The following LAMB4 variants were observed in gnomAD, a reference collection of about 807,000 sequenced individuals.
LAMB4 encodes the protein laminin subunit beta 4.
LAMB4 carries 196 observed loss-of-function variants against 199.2 expected under a neutral mutation model. The observed-to-expected ratio is 0.98, with a 90% CI of 0.88 to 1.11. The LOEUF (loss-of-function observed/expected upper bound fraction) is 1.11. Among genes scored for constraint, LAMB4 ranks in the 50% least tolerant of loss-of-function variants. LAMB4 has a pLI of 0.00. For missense variants in LAMB4, 2,080 were observed against 2,171.2 expected, an observed-to-expected ratio of 0.96 and a Z score of 0.83; for synonymous variants, 744 against 770.6, an observed-to-expected ratio of 0.97 and a Z score of 0.57.
At chr7:108,042,260 T>C (rs976777631) in intron 29 of LAMB4, among the ~76,000 whole-genome samples, 1 of 152,286 alleles carries the variant, frequency 6.6e-6, no homozygotes, top group East Asian at 1.9e-4. Flanking sequence ...TCTCTATGCC[T>C]AGTTGTAATG....
intron 1 of LAMB4, among the ~76,000 whole-genome samples, chr7:108,128,455 C>T (rs954426796): frequency 3.3e-5 from 5 of 152,142 alleles, no homozygotes; most frequent in East Asian, 1.9e-4. Context: ...ATATCAACAG[C>T]GCTGAGCTTG....
In LAMB4 at chr7:108,062,816, A is replaced by C; in HGVS notation, c.3240T>G (p.Cys1080Trp). ...TTTGAGAGGTCCTAGGGTCACAGTCACATGACTGACATCCTCTGCCAGGGA... is the reference window on the plus strand; with the variant it reads ...TTTGAGAGGTCCTAGGGTCACAGTCCCATGACTGACATCCTCTGCCAGGGA... ...NLVPGRGCQS[C>W]DCDPRTSQSS... The change falls in exon 23 of 34, where the codon TGT becomes TGG. Residue 1080 changes from cysteine to tryptophan, a missense_variant. Transcript: ENST00000388781. 1.3e-6 allele frequency: 2 copies of C among 1,536,166 alleles called. No individual in the cohort carries two copies. Among genetic ancestry groups the C allele is most frequent in the Non-Finnish European group, 1.8e-6 (2 of 1,142,194 alleles).
intron 21 of LAMB4, among the ~76,000 whole-genome samples, chr7:108,065,403 AT>A (rs1235564482): frequency 2.0e-5 from 3 of 152,132 alleles, no homozygotes; most frequent in Non-Finnish European, 2.9e-5. Context: ...AATTCCATTT[AT>A]TTTTTAGTTG....
chr7:108,014,075 T>G, the LAMB4 span, among the ~76,000 whole-genome samples: 1 of 152,232 alleles, frequency 6.6e-6, no homozygotes, highest in Non-Finnish European at 1.5e-5. Context: ...ATGATTTTAC[T>G]CTATAATGAA....
In LAMB4 at chr7:108,037,392, C is replaced by A; in HGVS notation, c.4675G>T (p.Ala1559Ser). 1.9e-6 allele frequency: 3 copies of A among 1,611,792 alleles called. No homozygotes were observed. Among genetic ancestry groups the A allele is most frequent in the Non-Finnish European group, 2.5e-6 (3 of 1,177,926 alleles). The change falls in exon 30 of 34, where the codon GCT becomes TCT. Residue 1559 changes from alanine (A) to serine (S), a missense_variant. Ala to Ser is a moderately conservative substitution (Grantham distance 99, BLOSUM62 1). Transcript: ENST00000388781. Reference sequence around the variant, plus strand: ...GAATATTAATACAGTACTTACTCAGCTGCTTTGGCCTTCACCAAAAGCTTT... The same window carrying A: ...GAATATTAATACAGTACTTACTCAGATGCTTTGGCCTTCACCAAAAGCTTT... ...AQKLLVKAKA[A>S]EKAANILLNL... is the part of the protein sequence containing the mutation.
In LAMB4 at chr7:108,029,043, C is replaced by G; in HGVS notation, c.5146G>C (p.Asp1716His). 1.2e-6 allele frequency: 2 copies of G among 1,612,234 alleles called. No homozygotes were observed. The highest frequency in any genetic ancestry group is 1.7e-6 in the Non-Finnish European group (2 of 1,179,378). ...DTEAKIRRIT[D>H]LERKIQDLNL... is the part of the protein sequence containing the mutation. The stretch of plus-strand genomic sequence containing the variant: ...GCAGGATGGATAAAAGAACAGATAC[C>G]TGTTATTCTTCTTATCTTGGCCTCT... Residue 1716 changes from aspartate to histidine, a missense_variant and splice_region_variant, in exon 33 of 34, where the codon GAT (aspartate) becomes CAT (histidine). By Grantham distance (81) the Asp-to-His change is moderately conservative. Transcript: ENST00000388781.
intron 2 of LAMB4, among the ~76,000 whole-genome samples, chr7:108,117,247 T>G (rs1258226838): frequency 1.3e-5 from 2 of 152,100 alleles, no homozygotes; most frequent in Non-Finnish European, 2.9e-5. Flanking sequence ...AACTATCAAG[T>G]TAGATAAAGA....
the LAMB4 span, among the ~76,000 whole-genome samples, chr7:108,017,762 G>C: frequency 1.3e-5 from 2 of 152,340 alleles, no homozygotes; most frequent in East Asian, 3.9e-4. Flanking sequence ...CAATGGTTCA[G>C]AAGGAGAATG....
chr7:108,042,565 G>C (rs188772086), intron 29 of LAMB4, among the ~76,000 whole-genome samples: 1 of 152,186 alleles, frequency 6.6e-6, no homozygotes, highest in Non-Finnish European at 1.5e-5. Flanking sequence ...CTTACTCATT[G>C]AAAGTTTGCT....
intron 2 of LAMB4, among the ~76,000 whole-genome samples, chr7:108,117,510 A>T (rs143372939): frequency 6.6e-6 from 1 of 152,340 alleles, no homozygotes; most frequent in East Asian, 1.9e-4. Context: ...AAAGTTAAAC[A>T]TATATATAAT....
intron 2 of LAMB4, among the ~76,000 whole-genome samples, chr7:108,120,103 A>C (rs958392751): frequency 1.3e-5 from 2 of 152,194 alleles, no homozygotes; most frequent in Non-Finnish European, 2.9e-5. Context: ...TTATTTCAGT[A>C]GACAGGAGTG....
chr7:108,066,645 G>T, intron 19 of LAMB4, 45 bp from the exon 20 acceptor site: 2 of 1,266,666 alleles, frequency 1.6e-6, no homozygotes, highest in Non-Finnish European at 2.2e-6. Context: ...GATGAGTGGT[G>T]TGTGGTGGTG....
At position 108,087,671 on chromosome 7, in the gene LAMB4, C is replaced by T. The variant is rs138634130; in HGVS notation, c.1701+3955G>A. On this transcript the variant is annotated intron_variant, in intron 14 of 33. Transcript: ENST00000388781. ...AAAGTCTGAGGCACAGCTACAGCACCAACCCAGAGCCATCAGTGTGTCTTT... is the reference window on the plus strand; with the variant it reads ...AAAGTCTGAGGCACAGCTACAGCACTAACCCAGAGCCATCAGTGTGTCTTT... 1.4e-3 allele frequency among the ~76,000 whole-genome samples: 212 copies of T among 152,296 alleles called. 1 individual carries two copies. Among genetic ancestry groups the T allele is most frequent in the Non-Finnish European group, 2.4e-3 (164 of 68,022 alleles).
intron 3 of LAMB4, among the ~76,000 whole-genome samples, chr7:108,115,318 A>T (rs545939531): frequency 2.0e-5 from 3 of 152,360 alleles, no homozygotes; most frequent in African/African-American, 7.2e-5. Context: ...TGCAAGTTCC[A>T]TATTTGTGGA....
rs1312281018 is a variant in LAMB4 at position 108,057,855 on chromosome 7, C to T, written c.3356G>A (p.Gly1119Asp). Residue 1119 changes from glycine to aspartate, a missense_variant, in exon 24 of 34, where the codon GGT becomes GAT. Physicochemically the swap from Gly to Asp is moderately conservative, Grantham distance 94. Transcript: ENST00000388781. The stretch of plus-strand genomic sequence containing the variant: ...ACGAATGCATCGCCCAGGTGGATCA[C>T]CATAATAATTTTCCTGGCACTCACT... Reference protein sequence around the residue: ...RCSECQENYYGDPPGRCIPCD... With the variant: ...RCSECQENYYDDPPGRCIPCD... 6.2e-7 allele frequency: 1 copy of T among 1,612,732 alleles called. No homozygotes were observed. Among genetic ancestry groups the T allele is most frequent in the East Asian group, 2.2e-5 (1 of 44,874 alleles).
At chr7:108,106,698 G>T in intron 6 of LAMB4, 126 bp from the exon 7 acceptor site, 1 of 586,310 alleles carries the variant, frequency 1.7e-6, no homozygotes, top group Non-Finnish European at 3.0e-6. Context: ...CCAAGTAGCT[G>T]AGACCACAGG....
intron 6 of LAMB4, among the ~76,000 whole-genome samples, chr7:108,107,209 T>C (rs905731160): frequency 2.6e-5 from 4 of 152,194 alleles, no homozygotes; most frequent in African/African-American, 7.2e-5. Context: ...TCAATCCCAC[T>C]CACTCCAACC....
In LAMB4 at chr7:108,077,071, TAAGA is replaced by T; in HGVS notation, c.2004-11_2004-8del. 2 of 1,611,858 alleles carry T rather than the reference TAAGA, an allele frequency of 1.2e-6. No homozygotes were observed. The highest frequency in any genetic ancestry group is 1.7e-6 in the Non-Finnish European group (2 of 1,178,962). On this transcript the variant is annotated splice_region_variant and splice_polypyrimidine_tract_variant and intron_variant, in intron 16 of 33. Transcript: ENST00000388781. The stretch of plus-strand genomic sequence containing the variant: ...TGTGGGAAGCAGCATGATTCTGTAT[TAAGA>T]AAGATAAAGCAAAAATTCAGACCAC...
chr7:108,016,086 C>T, the LAMB4 span, among the ~76,000 whole-genome samples: 1 of 151,800 alleles, frequency 6.6e-6, no homozygotes, highest in African/African-American at 2.4e-5. Flanking sequence ...AGCCTAAGAC[C>T]AGTTAAAAGA....
Sources: gnomAD v4.1 joint callset for allele counts (sites outside exome capture counted in the v4.1 genomes callset) on GRCh38, gnomAD v4.1.1 for gene constraint, MANE v1.5 for transcripts, NCBI Gene and HGNC (gene_info 2026-07-23, HGNC 2026-07-21) for gene names.